The following BMP3 variants were observed in gnomAD, a reference collection of about 807,000 sequenced individuals.
BMP3 encodes the protein bone morphogenetic protein 3 (osteogenic).
In BMP3, 23 loss-of-function variants were observed where a neutral mutation model predicts 38.1. The ratio of observed to expected loss-of-function variants is 0.60; its 90% confidence interval spans 0.43 to 0.86. The LOEUF is 0.86. Ranked by LOEUF, BMP3 falls within the 40% of genes least tolerant of loss-of-function variation. The pLI, the probability that BMP3 is intolerant of heterozygous loss-of-function variation, is 0.00. For synonymous variants in BMP3, 258 were observed against 225.7 expected (o/e 1.14, Z -1.28); for missense variants, 628 against 579.6 (o/e 1.08, Z -0.86).
chr4:81,042,752 T>G (rs1426777630), intron 1 of BMP3, among the ~76,000 whole-genome samples: 1 of 152,242 alleles, frequency 6.6e-6, no homozygotes, highest in Non-Finnish European at 1.5e-5. Context: ...ATTTATTCCC[T>G]GCCAGCATGT....
At position 81,055,478 on chromosome 4, in the gene BMP3, A is replaced by G. The variant is rs1740528341; in HGVS notation, c.*1942A>G. The G allele has an allele frequency of 6.6e-6, 1 of 152,182 alleles. No homozygotes were observed. Among genetic ancestry groups the G allele is most frequent in the Admixed American group, 6.5e-5 (1 of 15,272 alleles). The allele number at this position is 152,182 out of a possible 1,614,324, so 9.4% of individuals were successfully genotyped here. A position where few individuals can be genotyped will look rare whatever the true frequency, so the allele number is the denominator to read the frequency against. On this transcript the variant is annotated 3_prime_UTR_variant, in exon 3 of 3. Coordinates refer to ENST00000282701, the MANE Select transcript of BMP3 (RefSeq NM_001201.5). ...CATAAAATTAAAGATTCAAAGTGAG[A>G]TGGAGGATAAAATTACTTTTTAATA...
chr4:81,049,916 C>T (rs1301339029), intron 2 of BMP3, among the ~76,000 whole-genome samples: 1 of 152,174 alleles, frequency 6.6e-6, no homozygotes, highest in African/African-American at 2.4e-5. Context: ...AAAGTTCCCC[C>T]AGGCTAGACT....
At chr4:81,047,245 G>A (rs1302357268) in intron 2 of BMP3, among the ~76,000 whole-genome samples, 2 of 152,184 alleles carry the variant, frequency 1.3e-5, no homozygotes, top group African/African-American at 2.4e-5. Context: ...CATAGAATAT[G>A]ATGACTCTGT....
chr4:81,051,579 G>C (rs1459692735), intron 2 of BMP3, among the ~76,000 whole-genome samples: 2 of 152,150 alleles, frequency 1.3e-5, no homozygotes, highest in East Asian at 1.9e-4. Context: ...TAAATCAGTA[G>C]AGAAAAGTGG....
At chr4:81,033,127 T>C (rs1739822624) in intron 1 of BMP3, among the ~76,000 whole-genome samples, 1 of 152,198 alleles carries the variant, frequency 6.6e-6, no homozygotes, top group African/African-American at 2.4e-5. Context: ...CTCAAATGAC[T>C]CTTATCTTGA....
At chr4:81,035,278 G>A (rs967312230) in intron 1 of BMP3, among the ~76,000 whole-genome samples, 13 of 151,900 alleles carry the variant, frequency 8.6e-5, no homozygotes, top group African/African-American at 2.9e-4. Context: ...AAAAATTTAA[G>A]TTTAACTTTG....
At chr4:81,034,723 C>A (rs1209060149) in intron 1 of BMP3, among the ~76,000 whole-genome samples, 1 of 152,164 alleles carries the variant, frequency 6.6e-6, no homozygotes, top group African/African-American at 2.4e-5. Context: ...TCCAGCCCCA[C>A]AAGTGAATAT....
In BMP3 at chr4:81,056,172, T is replaced by C. The variant is rs1192873815; in HGVS notation, c.*2636T>C. 6.6e-6 allele frequency: 1 copy of C among 152,120 alleles called. No homozygotes were observed. The highest frequency in any genetic ancestry group is 2.4e-5 in the African/African-American group (1 of 41,422). 9.4% of individuals were successfully genotyped at this position (152,120 alleles called of 1,614,324 possible). On this transcript the variant is annotated 3_prime_UTR_variant, in exon 3 of 3. Transcript: ENST00000282701. ...CAGAAGCTTTAGAAATCTCCTGATATTAAATTATTAAATTGGCATTCATGA... is the reference window on the plus strand; with the variant it reads ...CAGAAGCTTTAGAAATCTCCTGATACTAAATTATTAAATTGGCATTCATGA...
intron 1 of BMP3, among the ~76,000 whole-genome samples, chr4:81,038,811 C>A (rs1373722826): frequency 1.3e-5 from 2 of 152,098 alleles, no homozygotes; most frequent in Non-Finnish European, 2.9e-5. Context: ...TTAAGTGCTC[C>A]AGGCTGTGTG....
chr4:81,036,168 C>G (rs1045121020), intron 1 of BMP3, among the ~76,000 whole-genome samples: 7 of 151,876 alleles, frequency 4.6e-5, no homozygotes, highest in Non-Finnish European at 2.9e-5. Context: ...CATTGTTTCA[C>G]ACAGGTATTA....
At chr4:81,051,485 TAAC>T (rs1183904611) in intron 2 of BMP3, among the ~76,000 whole-genome samples, 1 of 152,136 alleles carries the variant, frequency 6.6e-6, no homozygotes, top group South Asian at 2.1e-4. Context: ...AACATTAAAA[TAAC>T]AGAATAATTT....
In BMP3 at chr4:81,031,462, ATGCTGCGGCT is replaced by A. The variant is rs1376414163; in HGVS notation, c.179_188del (p.Met60ThrfsTer56). On this transcript the variant is annotated frameshift_variant, in exon 1 of 3. Transcript: ENST00000282701. LOFTEE classifies it high-confidence loss of function. ...GCCGCAAGACAAGGTCTCTGAACAC[ATGCTGCGGCT>A]CTATGACAGGTACAGCACGGTCCAG... 6.2e-7 allele frequency: 1 copy of A among 1,613,472 alleles called. No homozygotes were observed. Among genetic ancestry groups the A allele is most frequent in the Non-Finnish European group, 8.5e-7 (1 of 1,179,728 alleles).
intron 1 of BMP3, among the ~76,000 whole-genome samples, chr4:81,036,588 G>A (rs1739930960): frequency 6.6e-6 from 1 of 151,850 alleles, no homozygotes; most frequent in Non-Finnish European, 1.5e-5. Flanking sequence ...CCTTAAGTCG[G>A]ACTTTTCTAT....
At chr4:81,033,674 C>T (rs777334039) in intron 1 of BMP3, among the ~76,000 whole-genome samples, 3 of 152,084 alleles carry the variant, frequency 2.0e-5, no homozygotes, top group Non-Finnish European at 4.4e-5. Flanking sequence ...GTTACTAACA[C>T]ACTAAAAAGA....
chr4:81,042,793 C>A (rs1255613999), intron 1 of BMP3, among the ~76,000 whole-genome samples: 1 of 152,202 alleles, frequency 6.6e-6, no homozygotes, highest in Non-Finnish European at 1.5e-5. Context: ...TGCCACATAC[C>A]TAGAACAGAG....
intron 2 of BMP3, 25 bp from the exon 3 acceptor site, chr4:81,053,320 G>A (rs755520744): frequency 2.0e-6 from 3 of 1,512,788 alleles, no homozygotes; most frequent in Non-Finnish European, 2.7e-6. Flanking sequence ...TAACATATGT[G>A]TTCTTCTTTC....
At chr4:81,046,726 A>G in intron 2 of BMP3, 78 bp downstream of exon 2, 3 of 1,470,746 alleles carry the variant, frequency 2.0e-6, no homozygotes, top group South Asian at 1.4e-5. Flanking sequence ...TAGTGTGCAT[A>G]TAGGGGGTTT....
chr4:81,046,183 T>C lies in BMP3; in HGVS notation c.762T>C (p.Ser254=). ...ATGCCGCCATTTCTGAGCCAGAAAG[T>C]GTGGTATCAAGCTTACAGGGACACC... ...ANDAAISEPE[S]VVSSLQGHRN... The change falls in exon 2 of 3, where the codon AGT becomes AGC. Residue 254 remains serine, a synonymous_variant. Coordinates refer to ENST00000282701, the MANE Select transcript of BMP3 (RefSeq NM_001201.5). The C allele has an allele frequency of 6.2e-7, 1 of 1,613,964 alleles. No homozygotes were observed. The highest frequency in any genetic ancestry group is 8.5e-7 in the Non-Finnish European group (1 of 1,179,998).
At chr4:81,042,284 C>T (rs1453223419) in intron 1 of BMP3, among the ~76,000 whole-genome samples, 1 of 152,146 alleles carries the variant, frequency 6.6e-6, no homozygotes, top group Non-Finnish European at 1.5e-5. Flanking sequence ...TACATACTAT[C>T]ATACTGGAAA....
Sources: allele counts gnomAD v4.1 joint callset (sites outside exome capture counted in the v4.1 genomes callset), GRCh38; gene constraint gnomAD v4.1.1; transcripts MANE v1.5; gene names NCBI Gene and HGNC (gene_info 2026-07-23, HGNC 2026-07-21).